Variants in FGF18 observed in about 807,000 individuals in gnomAD.
FGF18 encodes fibroblast growth factor 18.
A neutral mutation model predicts 23.0 loss-of-function variants in FGF18; 5 were observed. The ratio of observed to expected loss-of-function variants is 0.22; its 90% CI spans 0.11 to 0.46. The LOEUF is 0.46. FGF18 is among the 20% of genes least tolerant of loss of function. The pLI is 0.99. For missense variants in FGF18, 180 were observed against 291.6 expected (o/e 0.62, Z 2.79); for synonymous variants, 117 against 118.9 (o/e 0.98, Z 0.10).
At chr5:171,425,596 T>C (rs1488052734) in intron 2 of FGF18, among the ~76,000 whole-genome samples, 1 of 145,084 alleles carries the variant, frequency 6.9e-6, no homozygotes, top group African/African-American at 2.6e-5. Flanking sequence ...AGTGGCGTGA[T>C]CTCGGTTCAC....
intron 2 of FGF18, among the ~76,000 whole-genome samples, chr5:171,424,703 C>T (rs2113328501): frequency 6.6e-6 from 1 of 152,190 alleles, no homozygotes; most frequent in South Asian, 2.1e-4. Flanking sequence ...CGTCTCTGGG[C>T]TTGAGGGTGT....
chr5:171,441,238 C>T (rs1772338761), intron 3 of FGF18, among the ~76,000 whole-genome samples: 1 of 152,154 alleles, frequency 6.6e-6, no homozygotes, highest in Non-Finnish European at 1.5e-5. Context: ...CAGAGTTGAG[C>T]CCCCACGGTC....
At chr5:171,447,151 AT>A (rs574439890) in intron 3 of FGF18, among the ~76,000 whole-genome samples, 36 of 152,250 alleles carry the variant, frequency 2.4e-4, no homozygotes, top group African/African-American at 8.4e-4. Flanking sequence ...TTATACCCCC[AT>A]TTTACAGGAG....
rs1291898022 is a variant in FGF18, at chr5:171,456,367, C to T, written c.358-172C>T. ...CTGCTCCTTGGCTATAAACCCCCAC[C>T]TGCCTGTGCCATATTCAGAGTTAAG... On this transcript the variant is annotated intron_variant, in intron 4 of 4. Transcript: ENST00000274625. This position sits in a 1 kb window ranked among gnomAD's most constrained non-coding sequence, Gnocchi z 6.1. Among the ~76,000 whole-genome samples, 2 of 152,184 alleles carry T rather than the reference C, an allele frequency of 1.3e-5. No individual in the cohort carries two copies. Among genetic ancestry groups the T allele is most frequent in the Admixed American group, 6.5e-5 (1 of 15,282 alleles).
chr5:171,455,174 T>C (rs187509877), intron 4 of FGF18, among the ~76,000 whole-genome samples: 1 of 152,290 alleles, frequency 6.6e-6, no homozygotes, highest in African/African-American at 2.4e-5. Flanking sequence ...TGACTCCAAA[T>C]CTAGTGCTCC....
In FGF18 at chr5:171,456,428, A is replaced by G. The variant is rs1772581684; in HGVS notation, c.358-111A>G. The G allele has an allele frequency of 3.7e-6, 4 of 1,084,218 alleles. No individual in the cohort carries two copies. The highest frequency in any genetic ancestry group is 5.3e-6 in the Non-Finnish European group (4 of 755,448). 67.2% of individuals were successfully genotyped at this position (1,084,218 alleles called of 1,614,324 possible). A position where few individuals can be genotyped will look rare whatever the true frequency, so the allele number is the denominator to read the frequency against. On this transcript the variant is annotated intron_variant, in intron 4 of 4. Transcript: ENST00000274625. This position sits in a 1 kb window ranked among gnomAD's most constrained non-coding sequence, Gnocchi z 6.1. ...CTCCCCCACTGCAAAACTTCATTAC[A>G]GTTGTCCCTACAACAATCGCAATGG...
rs776751035 is a variant in FGF18, at chr5:171,456,825, T to TTA, written c.*20_*21insTA. 1 of 1,595,618 alleles carries TTA rather than the reference T, an allele frequency of 6.3e-7. No homozygotes were observed. Among genetic ancestry groups the TTA allele is most frequent in the East Asian group, 2.2e-5 (1 of 44,544 alleles). On this transcript the variant is annotated 3_prime_UTR_variant, in exon 5 of 5. Transcript: ENST00000274625. The surrounding 1 kb of genome is among the most constrained non-coding windows in gnomAD (Gnocchi z 6.1). ...GCCTAGGCCACCCCGCCGCGGCCCC[T>TTA]CAGGTCGCCCTGGCCACACTCACAC...
Position 171,436,299 on chromosome 5 carries a change from TCCGTGTAC to T in FGF18, c.250+35_250+42del, listed in dbSNP as rs1163441511. The T allele has an allele frequency of 1.3e-6, 2 of 1,501,330 alleles. No homozygotes were observed. Among genetic ancestry groups the T allele is most frequent in the East Asian group, 2.5e-5 (1 of 39,812 alleles). The allele number at this position is 1,501,330 out of a possible 1,614,324, so 93.0% of individuals were successfully genotyped here. A position where few individuals can be genotyped will look rare whatever the true frequency, so the allele number is the denominator to read the frequency against. ...GTATGTGCCAACCCTCTCCTCCTAC[TCCGTGTAC>T]CCGTGTACATGTCCTTCCTGGCCTC... On this transcript the variant is annotated intron_variant, in intron 3 of 4. Transcript: ENST00000274625. This position sits in a 1 kb window ranked among gnomAD's most constrained non-coding sequence, Gnocchi z 4.4.
chr5:171,454,810 A>G lies in FGF18; in HGVS notation c.358-1729A>G, dbSNP rs918022176. On this transcript the variant is annotated intron_variant, in intron 4 of 4. Coordinates refer to ENST00000274625, the MANE Select transcript of FGF18 (RefSeq NM_003862.3). The stretch of plus-strand genomic sequence containing the variant: ...GGCCCGGCCTAAATTTGGAGATGTT[A>G]GTTGGAAACTCAAGTGCTGCTAATT... Among the ~76,000 whole-genome samples, 7 of 152,338 alleles carry G rather than the reference A, an allele frequency of 4.6e-5. No homozygotes were observed. In the East Asian group the frequency reaches 5.8e-4, roughly 13 times the overall value.
intron 3 of FGF18, among the ~76,000 whole-genome samples, chr5:171,441,668 G>A (rs1320174518): frequency 2.6e-5 from 4 of 152,206 alleles, no homozygotes; most frequent in Non-Finnish European, 5.9e-5. Context: ...CCGTGTTAGA[G>A]TGTAAACTTC....
intron 2 of FGF18, among the ~76,000 whole-genome samples, chr5:171,426,935 G>A (rs984616798): frequency 9.2e-5 from 14 of 152,160 alleles, no homozygotes; most frequent in Non-Finnish European, 1.5e-4. Context: ...CTGGCCGGGC[G>A]TGGTGGCTCA....
At chr5:171,454,298 T>C (rs899034742) in intron 4 of FGF18, among the ~76,000 whole-genome samples, 1 of 152,170 alleles carries the variant, frequency 6.6e-6, no homozygotes, top group Non-Finnish European at 1.5e-5. Context: ...GGGAGCATCA[T>C]GGTGTAGCCT....
At position 171,424,205 on chromosome 5, in the gene FGF18, G is replaced by C. The variant is rs893406284; in HGVS notation, c.69+3762G>C. On this transcript the variant is annotated intron_variant, in intron 2 of 4. Coordinates refer to ENST00000274625, the MANE Select transcript of FGF18 (RefSeq NM_003862.3). ...CCTCCAAGAGCTCCCAGTTTAAAGGGAGAAAGTGCCAGATGAACAGAGCCT... is the reference window on the plus strand; with the variant it reads ...CCTCCAAGAGCTCCCAGTTTAAAGGCAGAAAGTGCCAGATGAACAGAGCCT... Among the ~76,000 whole-genome samples the C allele has an allele frequency of 4.6e-5, 7 of 152,218 alleles. 1 individual carries two copies. The highest frequency in any genetic ancestry group is 1.2e-4 in the African/African-American group (5 of 41,454).
At chr5:171,442,329 G>A (rs1223627286) in intron 3 of FGF18, among the ~76,000 whole-genome samples, 1 of 152,128 alleles carries the variant, frequency 6.6e-6, no homozygotes, top group Admixed American at 6.5e-5. Context: ...CTCCTCCATT[G>A]CCACCTCTCT....
intron 4 of FGF18, among the ~76,000 whole-genome samples, chr5:171,453,246 G>A (rs915224018): frequency 4.1e-4 from 62 of 152,326 alleles, no homozygotes; most frequent in Non-Finnish European, 7.2e-4. Context: ...GTAGCCTGCT[G>A]TTAGCTTCTT....
intron 4 of FGF18, among the ~76,000 whole-genome samples, chr5:171,452,115 C>G (rs1448583941): frequency 6.6e-6 from 1 of 152,254 alleles, no homozygotes; most frequent in Non-Finnish European, 1.5e-5. Flanking sequence ...TAAGCTACAG[C>G]CTGAATTATT....
chr5:171,430,022 A>G (rs1303149926), intron 2 of FGF18, among the ~76,000 whole-genome samples: 2 of 152,250 alleles, frequency 1.3e-5, no homozygotes, highest in Admixed American at 1.3e-4. Flanking sequence ...CAAGTGATGT[A>G]ACCTCTCTGA....
At chr5:171,428,317 G>A (rs1772128060) in intron 2 of FGF18, among the ~76,000 whole-genome samples, 1 of 152,092 alleles carries the variant, frequency 6.6e-6, no homozygotes, top group Admixed American at 6.5e-5. Flanking sequence ...CCAGGGGCTG[G>A]GGCACAGAGA....
In FGF18 at chr5:171,434,083, C is replaced by T. The variant is rs919153155; in HGVS notation, c.70-2010C>T. On this transcript the variant is annotated intron_variant, in intron 2 of 4. Coordinates refer to ENST00000274625, the MANE Select transcript of FGF18 (RefSeq NM_003862.3). This position sits in a 1 kb window ranked among gnomAD's most constrained non-coding sequence, Gnocchi z 4.6. The stretch of plus-strand genomic sequence containing the variant: ...AGAGTGGCACATCCTGGGTTTTGAA[C>T]CCAGGGCCAGCTCCTGACAGCACTG... Among the ~76,000 whole-genome samples, 8 of 152,190 alleles carry T rather than the reference C, an allele frequency of 5.3e-5. No homozygotes were observed. The highest frequency in any genetic ancestry group is 2.9e-5 in the Non-Finnish European group (2 of 68,036).
Sources: allele counts gnomAD v4.1 joint callset (sites outside exome capture counted in the v4.1 genomes callset), GRCh38; gene constraint gnomAD v4.1.1; non-coding constraint Gnocchi (gnomAD v3.1); transcripts MANE v1.5; gene names NCBI Gene and HGNC (gene_info 2026-07-23, HGNC 2026-07-21).